DNAH3: variants seen among roughly 807,000 people sequenced by gnomAD.
The protein encoded by DNAH3 is axonemal beta dynein heavy chain 3.
In DNAH3, 332 loss-of-function variants were observed where a neutral mutation model predicts 432.5. The ratio of observed to expected loss-of-function variants is 0.77; its 90% confidence interval spans 0.70 to 0.84. DNAH3 has a LOEUF of 0.84. DNAH3 is among the 40% of genes least tolerant of loss of function. DNAH3 has a pLI of 0.00. For synonymous variants in DNAH3, 1,956 were observed against 1,900.2 expected (o/e 1.03, Z -0.76); for missense variants, 4,861 against 5,114.0 (o/e 0.95, Z 1.51).
At chr16:21,105,071 T>C (rs1336438553) in intron 15 of DNAH3, among the ~76,000 whole-genome samples, 1 of 152,224 alleles carries the variant, frequency 6.6e-6, no homozygotes, top group Admixed American at 6.5e-5. Flanking sequence ...TTTATGACTC[T>C]GGTGAATTAA....
At chr16:20,935,440 A>C (rs2083552528) in exon 61 of DNAH3, 2 of 1,612,114 alleles carry the variant, frequency 1.2e-6, no homozygotes, top group Non-Finnish European at 1.7e-6. Flanking sequence ...GTGAAGTAGA[A>C]TCCAGAGATC....
At chr16:21,094,260 G>C (rs2091616446) in intron 18 of DNAH3, among the ~76,000 whole-genome samples, 1 of 152,156 alleles carries the variant, frequency 6.6e-6, no homozygotes, top group African/African-American at 2.4e-5. Context: ...CTTCACCAAA[G>C]AGGATATACA....
At chr16:21,041,333 T>C (rs2152732954) in intron 32 of DNAH3, among the ~76,000 whole-genome samples, 1 of 152,192 alleles carries the variant, frequency 6.6e-6, no homozygotes, top group African/African-American at 2.4e-5. Flanking sequence ...ATCATGCCAC[T>C]GCATTCCAGC....
At chr16:20,996,942 T>C in intron 44 of DNAH3, 1 of 213,528 alleles carries the variant, frequency 4.7e-6, no homozygotes, top group Admixed American at 5.3e-5. Flanking sequence ...TAAAGAATTA[T>C]AACGAATACA....
At chr16:21,137,139 C>G (rs1012545747) in intron 5 of DNAH3, among the ~76,000 whole-genome samples, 1 of 151,204 alleles carries the variant, frequency 6.6e-6, no homozygotes, top group Non-Finnish European at 1.5e-5. Context: ...GTCTCAAAAA[C>G]AAACAAAAAA....
At chr16:21,077,764 T>C (rs144877447) in intron 20 of DNAH3, among the ~76,000 whole-genome samples, 37 of 152,312 alleles carry the variant, frequency 2.4e-4, no homozygotes, top group African/African-American at 7.0e-4. Context: ...CTCAGCCCTG[T>C]CTTTCATTGC....
chr16:21,145,999 C>T (rs147213478), exon 2 of DNAH3: 24 of 1,611,850 alleles, frequency 1.5e-5, no homozygotes, highest in South Asian at 6.6e-5. Flanking sequence ...AGAGTCCAGA[C>T]GGTTCCTCAT....
At chr16:21,118,091 G>A (rs911793415) in intron 11 of DNAH3, among the ~76,000 whole-genome samples, 6 of 151,878 alleles carry the variant, frequency 4.0e-5, no homozygotes, top group African/African-American at 1.2e-4. Flanking sequence ...GGGCTCAAGC[G>A]ATTCTCCTGC....
chr16:20,963,371 T>G, exon 53 of DNAH3: 2 of 1,614,096 alleles, frequency 1.2e-6, no homozygotes, highest in Admixed American at 3.3e-5. Context: ...AGATCGAACG[T>G]AGGGGCTTCG....
chr16:21,035,414 C>A (rs114147816), intron 35 of DNAH3, among the ~76,000 whole-genome samples: 1,661 of 152,238 alleles, frequency 0.011, 29 homozygotes, highest in African/African-American at 0.038. Context: ...AGTAAAAGGG[C>A]AGGTAGCTCC....
intron 18 of DNAH3, among the ~76,000 whole-genome samples, chr16:21,093,524 C>T (rs1470726637): frequency 1.3e-5 from 2 of 152,160 alleles, no homozygotes; most frequent in African/African-American, 4.8e-5. Context: ...AGATTTAAAA[C>T]ATTTCCAACA....
rs200836112 is a variant in DNAH3, at chr16:21,031,203, C to G, written c.5281G>C (p.Asp1761His). 6 of 1,614,144 alleles carry G rather than the reference C, an allele frequency of 3.7e-6. No individual in the cohort carries two copies. The East Asian group carries it at 1.3e-4, about 36-fold the overall frequency. ...TCCATCCACTCGTGGCTCACTTGGT[C>G]AAAGCACCCATACAGCTGCCCCATC... Residue 1761 changes from aspartate (D) to histidine (H), a missense_variant, in exon 37 of 62, where the codon GAC (aspartate) becomes CAC (histidine). Transcript: ENST00000261383.
intron 61 of DNAH3, 101 bp downstream of exon 61, chr16:20,935,247 T>C (rs1425518183): frequency 6.5e-6 from 9 of 1,393,762 alleles, no homozygotes; most frequent in Non-Finnish European, 9.0e-6. Context: ...TCAGAAGCAT[T>C]TGGGTCTTAA....
intron 54 of DNAH3, among the ~76,000 whole-genome samples, chr16:20,958,747 C>T (rs950916654): frequency 6.6e-6 from 1 of 152,014 alleles, no homozygotes; most frequent in Admixed American, 6.6e-5. Flanking sequence ...TCATCTATGG[C>T]CTGCCTTCTG....
intron 5 of DNAH3, 95 bp from the exon 7 acceptor site, chr16:21,136,608 A>G: frequency 2.7e-6 from 3 of 1,125,980 alleles, no homozygotes; most frequent in Non-Finnish European, 4.0e-6. Context: ...CCATTCATAC[A>G]GCATTCGTCT....
chr16:20,963,397 A>G lies in DNAH3; in HGVS notation c.10487T>C (p.Met3496Thr), dbSNP rs758287303. The G allele has an allele frequency of 1.1e-5, 17 of 1,614,020 alleles. No individual in the cohort carries two copies. The highest frequency in any genetic ancestry group is 2.7e-5 in the African/African-American group (2 of 74,908). The change falls in exon 53 of 62, where the codon ATG becomes ACG. Residue 3496 changes from methionine (M) to threonine (T), a missense_variant. Coordinates refer to ENST00000261383, the Ensembl canonical transcript of DNAH3. ...AGGGGCTTCGATATACAGCTTTCCC[A>G]TATGTTCAGCAATGAACTCCCGGAC...
intron 28 of DNAH3, among the ~76,000 whole-genome samples, chr16:21,053,686 T>C (rs1403086753): frequency 6.6e-6 from 1 of 152,108 alleles, no homozygotes; most frequent in Admixed American, 6.5e-5. Context: ...GGGAGTGAGA[T>C]GCCATGAAAT....
At chr16:21,120,988 C>CAGGGT in intron 10 of DNAH3, 1 of 730,196 alleles carries the variant, frequency 1.4e-6, no homozygotes, top group Non-Finnish European at 2.5e-6. Flanking sequence ...ACTTAGAACC[C>CAGGGT]TGTAAGTACC....
chr16:21,070,656 A>G (rs1567738037), intron 22 of DNAH3, 54 bp downstream of exon 22: 2 of 1,168,854 alleles, frequency 1.7e-6, no homozygotes, highest in Non-Finnish European at 2.6e-6. Flanking sequence ...CCCTCCTCTG[A>G]GAAACCCAGA....
Sources: gnomAD v4.1 joint callset for allele counts (sites outside exome capture counted in the v4.1 genomes callset) on GRCh38, gnomAD v4.1.1 for gene constraint, MANE v1.5 for transcripts, NCBI Gene and HGNC (gene_info 2026-07-23, HGNC 2026-07-21) for gene names.